MIDEAS: variants seen among roughly 807,000 people sequenced by gnomAD.
The protein encoded by MIDEAS is mitotic deacetylase associated SANT domain protein.
A neutral mutation model predicts 102.7 loss-of-function variants in MIDEAS; 26 were observed. The ratio of observed to expected loss-of-function variants is 0.25; its 90% CI spans 0.19 to 0.35. The LOEUF (loss-of-function observed/expected upper bound fraction) is 0.35, where lower values mean the gene tolerates loss of function less well. Among genes scored for constraint, MIDEAS ranks in the 10% least tolerant of loss-of-function variants. The pLI is 1.00. For synonymous variants in MIDEAS, 585 were observed against 591.0 expected, an observed-to-expected ratio of 0.99 and a Z score of 0.15; for missense variants, 1,231 against 1,435.6, an observed-to-expected ratio of 0.86 and a Z score of 2.30.
chr14:73,741,387 G>A (rs541243500), intron 1 of MIDEAS, among the ~76,000 whole-genome samples: 4 of 152,194 alleles, frequency 2.6e-5, no homozygotes, highest in Admixed American at 6.5e-5. Flanking sequence ...GAAGTTGGTG[G>A]GGGTGGGAGC....
rs1016927140 is a variant in MIDEAS at position 73,718,486 on chromosome 14, G to A, written c.*357C>T. The A allele has an allele frequency of 3.3e-5, 6 of 179,784 alleles. No individual in the cohort carries two copies. Among genetic ancestry groups the A allele is most frequent in the Non-Finnish European group, 6.9e-5 (6 of 86,830 alleles). The allele number at this position is 179,784 out of a possible 1,614,324, so 11.1% of individuals were successfully genotyped here. ...ACGGTGGCTTCCTGGAGGCCGAGGG[G>A]AGGAGGGGGAAGCAAATAAAGGGAA... On this transcript the variant is annotated 3_prime_UTR_variant, in exon 13 of 13. Coordinates refer to ENST00000423556, the MANE Select transcript of MIDEAS (RefSeq NM_001367710.1).
intron 1 of MIDEAS, among the ~76,000 whole-genome samples, chr14:73,748,568 T>C: frequency 6.6e-6 from 1 of 150,990 alleles, no homozygotes; most frequent in East Asian, 1.9e-4. Context: ...GAAAAAGAGA[T>C]ACCATTGTAA....
upstream of MIDEAS, chr14:73,790,213 A>C (rs1397540486): frequency 1.3e-5 from 2 of 152,184 alleles, no homozygotes; most frequent in Non-Finnish European, 2.9e-5. Flanking sequence ...ATTTACTTTT[A>C]AAATATAAAA....
In MIDEAS at chr14:73,767,639, A is replaced by G. The variant is rs542196005; in HGVS notation, c.-248+19463T>C. ...AGCAACAGAAGGAAACTCTGTCTCA[A>G]GGGTGGGGGGAAAAAGGCTCTCATA... On this transcript the variant is annotated intron_variant, in intron 1 of 11. Transcript: ENST00000394071. 7.2e-5 allele frequency among the ~76,000 whole-genome samples: 11 copies of G among 152,198 alleles called. No homozygotes were observed. In the South Asian group the frequency reaches 2.3e-3, roughly 32 times the overall value.
chr14:73,765,972 A>G (rs1162049623), intron 1 of MIDEAS, among the ~76,000 whole-genome samples: 1 of 152,212 alleles, frequency 6.6e-6, no homozygotes, highest in Non-Finnish European at 1.5e-5. Flanking sequence ...GACCAATTCA[A>G]TAGTGGTGCA....
chr14:73,722,921 C>T (rs193200548), intron 9 of MIDEAS, 74 bp from the exon 10 acceptor site: 7 of 1,547,746 alleles, frequency 4.5e-6, no homozygotes, highest in African/African-American at 1.4e-5. Flanking sequence ...CAGCCTTTCT[C>T]GTCCCTGCAT....
At chr14:73,762,495 T>G (rs2053562226), upstream of MIDEAS, among the ~76,000 whole-genome samples, 1 of 152,150 alleles carries the variant, frequency 6.6e-6, no homozygotes, top group South Asian at 2.1e-4. Flanking sequence ...GGCACACATG[T>G]GTGCAGGGGA....
chr14:73,753,232 G>C (rs996393292), intron 1 of MIDEAS, among the ~76,000 whole-genome samples: 1 of 152,242 alleles, frequency 6.6e-6, no homozygotes, highest in East Asian at 1.9e-4. Flanking sequence ...CATCTGGAGA[G>C]GGAGGCAGCA....
At chr14:73,781,915 G>A (rs1028478467) in intron 1 of MIDEAS, among the ~76,000 whole-genome samples, 1 of 151,892 alleles carries the variant, frequency 6.6e-6, no homozygotes, top group African/African-American at 2.4e-5. Context: ...AAATTAGACG[G>A]GCGTGGTGGC....
chr14:73,764,351 A>C (rs967745499), upstream of MIDEAS, among the ~76,000 whole-genome samples: 3 of 151,082 alleles, frequency 2.0e-5, no homozygotes, highest in African/African-American at 4.9e-5. Flanking sequence ...AAAAAAAAAA[A>C]AAAAAAAAAA....
At chr14:73,777,107 A>G (rs1046391678) in intron 1 of MIDEAS, among the ~76,000 whole-genome samples, 6 of 152,108 alleles carry the variant, frequency 3.9e-5, no homozygotes, top group Middle Eastern at 3.4e-3. Flanking sequence ...GTTCAGAACC[A>G]TAACAGCAAG....
chr14:73,730,810 T>G (rs1595260234), intron 3 of MIDEAS, among the ~76,000 whole-genome samples: 3 of 152,058 alleles, frequency 2.0e-5, no homozygotes, highest in Admixed American at 2.0e-4. Context: ...ACACAAAAAT[T>G]AGCCGGGCAT....
chr14:73,764,403 G>A (rs1042645100), upstream of MIDEAS, among the ~76,000 whole-genome samples: 8 of 148,436 alleles, frequency 5.4e-5, no homozygotes, highest in South Asian at 2.1e-4. Context: ...TCTTTTCCCT[G>A]AAAAGACCCC....
chr14:73,762,212 G>C (rs759886779), upstream of MIDEAS, among the ~76,000 whole-genome samples: 1 of 152,196 alleles, frequency 6.6e-6, no homozygotes, highest in Non-Finnish European at 1.5e-5. Context: ...GACCAGCCCA[G>C]GGATGTTCCC....
At chr14:73,752,142 T>G (rs1200099572) in intron 1 of MIDEAS, among the ~76,000 whole-genome samples, 1 of 152,090 alleles carries the variant, frequency 6.6e-6, no homozygotes, top group African/African-American at 2.4e-5. Context: ...AATATATTCA[T>G]CGCACATCCC....
intron 1 of MIDEAS, among the ~76,000 whole-genome samples, chr14:73,743,480 C>T (rs1807401533): frequency 1.3e-5 from 2 of 151,946 alleles, no homozygotes; most frequent in South Asian, 4.1e-4. Flanking sequence ...TGCAACCCCA[C>T]CCCGGGCTCA....
At chr14:73,765,954 T>C (rs1368907085) in intron 1 of MIDEAS, among the ~76,000 whole-genome samples, 1 of 152,208 alleles carries the variant, frequency 6.6e-6, no homozygotes, top group Non-Finnish European at 1.5e-5. Flanking sequence ...AAAAGGGGCC[T>C]TTGGTGGGAC....
intron 1 of MIDEAS, among the ~76,000 whole-genome samples, chr14:73,766,131 C>T (rs1446373455): frequency 3.3e-5 from 5 of 152,218 alleles, no homozygotes; most frequent in Non-Finnish European, 7.3e-5. Flanking sequence ...ACCAGACAGC[C>T]ACTCTGTTCC....
intron 1 of MIDEAS, among the ~76,000 whole-genome samples, chr14:73,769,914 GTT>G (rs79392378): frequency 1.0e-3 from 119 of 116,922 alleles, no homozygotes; most frequent in Admixed American, 2.3e-3. Flanking sequence ...TTTTTTTTTT[GTT>G]TTTTTTTTTT....
Sources: allele counts gnomAD v4.1 joint callset (sites outside exome capture counted in the v4.1 genomes callset), GRCh38; gene constraint gnomAD v4.1.1; transcripts MANE v1.5; gene names NCBI Gene and HGNC (gene_info 2026-07-23, HGNC 2026-07-21).